NALCN: variants seen among roughly 807,000 people sequenced by gnomAD.
The protein encoded by NALCN is sodium leak channel NALCN.
In NALCN, 111 loss-of-function variants were observed where a neutral mutation model predicts 225.3. The observed-to-expected ratio is 0.49, with a 90% CI of 0.42 to 0.58. NALCN has a LOEUF of 0.58. Among genes scored for constraint, NALCN ranks in the 20% least tolerant of loss-of-function variants. NALCN has a pLI of 0.00. For missense variants in NALCN, 1,378 were observed against 2,202.4 expected, an observed-to-expected ratio of 0.63 and a Z score of 7.49; for synonymous variants, 764 against 769.0, an observed-to-expected ratio of 0.99 and a Z score of 0.11.
chr13:101,315,772 C>A (rs2044531112), intron 7 of NALCN, among the ~76,000 whole-genome samples: 1 of 151,978 alleles, frequency 6.6e-6, no homozygotes, highest in South Asian at 2.1e-4. Context: ...CACTAGAAAG[C>A]ATATACTTAG....
chr13:101,112,340 C>G (rs1421239554), intron 18 of NALCN, among the ~76,000 whole-genome samples: 1 of 152,102 alleles, frequency 6.6e-6, no homozygotes, highest in Non-Finnish European at 1.5e-5. Context: ...AATAACTGGA[C>G]TTGTGTTAAT....
intron 27 of NALCN, among the ~76,000 whole-genome samples, chr13:101,097,068 A>C (rs771367394): frequency 6.6e-6 from 1 of 152,186 alleles, no homozygotes; most frequent in Non-Finnish European, 1.5e-5. Flanking sequence ...TCTTGGCCCA[A>C]GTCTCCATTC....
At chr13:101,368,132 T>G (rs889482193) in intron 6 of NALCN, among the ~76,000 whole-genome samples, 5 of 149,862 alleles carry the variant, frequency 3.3e-5, no homozygotes, top group Non-Finnish European at 7.4e-5. Flanking sequence ...TAGGTATATC[T>G]CCTAAAGCTA....
chr13:101,321,226 GTCAAA>G (rs201432310), intron 7 of NALCN, among the ~76,000 whole-genome samples: 9,537 of 151,972 alleles, frequency 0.063, 419 homozygotes, highest in Non-Finnish European at 0.092. Context: ...ATAGACAAAA[GTCAAA>G]TATACCAATA....
chr13:101,410,644 T>C (rs987836052), intron 1 of NALCN, among the ~76,000 whole-genome samples: 1 of 152,198 alleles, frequency 6.6e-6, no homozygotes, highest in South Asian at 2.1e-4. Flanking sequence ...TGCCATTCAA[T>C]GCCTTCAAAG....
chr13:101,106,801 ATC>A (rs1470801754), intron 22 of NALCN, among the ~76,000 whole-genome samples: 1 of 152,124 alleles, frequency 6.6e-6, no homozygotes, highest in African/African-American at 2.4e-5. Context: ...AATCCAATAA[ATC>A]TCTTTTTCTT....
At chr13:101,180,626 A>T (rs868613352) in intron 14 of NALCN, 10 of 169,690 alleles carry the variant, frequency 5.9e-5, no homozygotes, top group African/African-American at 1.9e-4. Context: ...CTTGTGGGAT[A>T]TTCCGGGCCT....
At chr13:101,173,043 C>T (rs372328337) in intron 15 of NALCN, among the ~76,000 whole-genome samples, 1 of 152,236 alleles carries the variant, frequency 6.6e-6, no homozygotes. Context: ...AGGATCATCA[C>T]TCCAAGAAGA....
At chr13:101,357,152 C>T (rs1380848946) in intron 6 of NALCN, among the ~76,000 whole-genome samples, 6 of 152,158 alleles carry the variant, frequency 3.9e-5, no homozygotes, top group Non-Finnish European at 7.3e-5. Flanking sequence ...TCTCTCACCA[C>T]TCCTATTCAA....
chr13:101,078,466 A>G (rs867792342), intron 34 of NALCN, among the ~76,000 whole-genome samples: 2 of 152,216 alleles, frequency 1.3e-5, no homozygotes, highest in Non-Finnish European at 2.9e-5. Context: ...CTGGATATAT[A>G]TAAGACAGAG....
chr13:101,187,059 T>A (rs1489732864), intron 14 of NALCN, among the ~76,000 whole-genome samples: 1 of 152,122 alleles, frequency 6.6e-6, no homozygotes. Flanking sequence ...GGCCCCCCCC[T>A]TATCCACTGT....
At chr13:101,233,640 G>A (rs1423397433) in intron 12 of NALCN, among the ~76,000 whole-genome samples, 1 of 151,954 alleles carries the variant, frequency 6.6e-6, no homozygotes, top group Admixed American at 6.6e-5. Flanking sequence ...GCGCCCAGCC[G>A]GGAAGAAGAT....
At chr13:101,363,286 T>C (rs1344887570) in intron 6 of NALCN, among the ~76,000 whole-genome samples, 1 of 152,032 alleles carries the variant, frequency 6.6e-6, no homozygotes, top group Non-Finnish European at 1.5e-5. Context: ...GCCAAAGCAA[T>C]CTCGTGCAAA....
At chr13:101,327,501 G>A (rs2045003323) in intron 7 of NALCN, among the ~76,000 whole-genome samples, 1 of 152,060 alleles carries the variant, frequency 6.6e-6, no homozygotes, top group Non-Finnish European at 1.5e-5. Flanking sequence ...CAGATTCAGT[G>A]AATTTTATGT....
chr13:101,310,913 T>C (rs2139142350), intron 7 of NALCN, among the ~76,000 whole-genome samples: 1 of 152,268 alleles, frequency 6.6e-6, no homozygotes, highest in South Asian at 2.1e-4. Context: ...AAAAATCTCT[T>C]GATGGGGATG....
chr13:101,101,282 T>TG (rs66473345), intron 26 of NALCN, among the ~76,000 whole-genome samples: 3 of 16,114 alleles, frequency 1.9e-4, no homozygotes, highest in East Asian at 2.5e-3. Flanking sequence ...TTTTTTTTTC[T>TG]TTTTTTTTTT....
At chr13:101,161,044 C>T (rs2038158031) in intron 15 of NALCN, among the ~76,000 whole-genome samples, 1 of 152,150 alleles carries the variant, frequency 6.6e-6, no homozygotes, top group Non-Finnish European at 1.5e-5. Context: ...TTTCTTCCCA[C>T]CCTATACAAT....
intron 14 of NALCN, among the ~76,000 whole-genome samples, chr13:101,187,712 CAT>C (rs1202208297): frequency 6.6e-6 from 1 of 152,190 alleles, no homozygotes; most frequent in East Asian, 1.9e-4. Context: ...CAAAACCTCA[CAT>C]GTCAAACAAT....
intron 13 of NALCN, among the ~76,000 whole-genome samples, chr13:101,199,082 T>A (rs2040007176): frequency 6.7e-6 from 1 of 150,274 alleles, no homozygotes; most frequent in African/African-American, 2.5e-5. Context: ...AGGTGGGAAC[T>A]GAATAATGAG....
Sources: allele counts gnomAD v4.1 joint callset (sites outside exome capture counted in the v4.1 genomes callset), GRCh38; gene constraint gnomAD v4.1.1; transcripts MANE v1.5; gene names NCBI Gene and HGNC (gene_info 2026-07-23, HGNC 2026-07-21).